TIMM10: variants seen among roughly 807,000 people sequenced by gnomAD.
TIMM10 encodes the protein mitochondrial import inner membrane translocase subunit Tim10.
TIMM10 carries 13 observed loss-of-function variants against 9.1 expected under a neutral mutation model. The ratio of observed to expected loss-of-function variants is 1.42; its 90% CI spans 0.93 to 2.26. The LOEUF is 2.26. TIMM10 is among the 30% of genes most tolerant of loss of function. TIMM10 has a pLI of 0.00. For missense variants in TIMM10, 82 were observed against 113.6 expected, an observed-to-expected ratio of 0.72 and a Z score of 1.26; for synonymous variants, 40 against 42.1, an observed-to-expected ratio of 0.95 and a Z score of 0.20.
At chr11:57,529,920 C>T (rs1944782364) in intron 2 of TIMM10, among the ~76,000 whole-genome samples, 199 bp downstream of exon 2, 1 of 152,194 alleles carries the variant, frequency 6.6e-6, no homozygotes, top group Admixed American at 6.5e-5. Context: ...AGTTCCATCC[C>T]CATCTAAATG....
At chr11:57,530,018 C>A in intron 2 of TIMM10, 101 bp downstream of exon 2, 1 of 1,346,196 alleles carries the variant, frequency 7.4e-7, no homozygotes, top group Non-Finnish European at 1.1e-6. Flanking sequence ...GGGCCTCAGG[C>A]TCCCCTACAT....
chr11:57,528,818 A>T lies in TIMM10; in HGVS notation c.172T>A (p.Tyr58Asn). 6.2e-7 allele frequency: 1 copy of T among 1,614,076 alleles called. No homozygotes were observed. The change falls in exon 3 of 3, where the codon TAC becomes AAC. Residue 58 changes from tyrosine to asparagine, a missense_variant. Coordinates refer to ENST00000257245, the MANE Select transcript of TIMM10 (RefSeq NM_012456.3). ...CCCATCCGCTCATGGATGTCCAGGT[A>T]CTTAGAGACACATCGGTCCAGGCAC... ...SVCLDRCVSK[Y>N]LDIHERMGKK...
chr11:57,530,097 G>A (rs1000956953), intron 2 of TIMM10, 22 bp downstream of exon 2: 5 of 1,613,176 alleles, frequency 3.1e-6, no homozygotes, highest in Non-Finnish European at 4.2e-6. Flanking sequence ...TCCAAGACAG[G>A]GTAGCACATA....
chr11:57,530,150 C>G lies in TIMM10; in HGVS notation c.40G>C (p.Glu14Gln). The change falls in exon 2 of 3, where the codon GAG (glutamate) becomes CAG (glutamine). Residue 14 changes from glutamate to glutamine, a missense_variant. Physicochemically the swap from Glu to Gln is conservative, Grantham distance 29 (BLOSUM62 2). Transcript: ENST00000257245. ...TACATATCGGCCATCATCTCCACCTCCAGCTCCGCAGCCAGCTGTTGGGCC... is the reference window on the plus strand; with the variant it reads ...TACATATCGGCCATCATCTCCACCTGCAGCTCCGCAGCCAGCTGTTGGGCC... Reference protein sequence around the residue: ...LRAQQLAAELEVEMMADMYNR... With the variant: ...LRAQQLAAELQVEMMADMYNR... 6.2e-7 allele frequency: 1 copy of G among 1,614,196 alleles called. No homozygotes were observed. The highest frequency in any genetic ancestry group is 8.5e-7 in the Non-Finnish European group (1 of 1,180,030).
At position 57,528,916 on chromosome 11, in the gene TIMM10, A is replaced by C; in HGVS notation, c.74T>G (p.Met25Arg). The change falls in exon 3 of 3, where the codon ATG becomes AGG. Residue 25 changes from methionine (M) to arginine (R), a missense_variant and splice_region_variant. By Grantham distance (91) the Met-to-Arg change is moderately conservative. Coordinates refer to ENST00000257245, the MANE Select transcript of TIMM10 (RefSeq NM_012456.3). ...VEMMADMYNR[M>R]TSACHRKCVP... ...ACACTTCCGGTGGCAGGCACTGGTC[A>C]TTCTGGAGGGAGGGAGGGGCAAGGT... 1 of 1,612,906 alleles carries C rather than the reference A, an allele frequency of 6.2e-7. No homozygotes were observed. The highest frequency in any genetic ancestry group is 1.3e-5 in the African/African-American group (1 of 74,994).
In TIMM10 at chr11:57,530,108, G is replaced by A. The variant is rs375982922; in HGVS notation, c.71+11C>T. 4 of 1,613,814 alleles carry A rather than the reference G, an allele frequency of 2.5e-6. No individual in the cohort carries two copies. The African/African-American group carries it at 5.3e-5, about 22-fold the overall frequency. On this transcript the variant is annotated intron_variant, in intron 2 of 2. Transcript: ENST00000257245. Reference sequence around the variant, plus strand: ...ATTTTCCAAGACAGGGTAGCACATAGTTCTCTTTACCTGTTGTACATATCG... The same window carrying A: ...ATTTTCCAAGACAGGGTAGCACATAATTCTCTTTACCTGTTGTACATATCG...
chr11:57,528,881 G>A lies in TIMM10; in HGVS notation c.109C>T (p.His37Tyr). 5 of 1,613,694 alleles carry A rather than the reference G, an allele frequency of 3.1e-6. No individual in the cohort carries two copies. The highest frequency in any genetic ancestry group is 4.2e-6 in the Non-Finnish European group (5 of 1,180,022). The change falls in exon 3 of 3, where the codon CAC (histidine) becomes TAC (tyrosine). Residue 37 changes from histidine (H) to tyrosine (Y), a missense_variant. Transcript: ENST00000257245. ...TTGGAGAGCTCTGCTTCCTTGTAGT[G>A]AGGAGGCACACACTTCCGGTGGCAG... ...SACHRKCVPP[H>Y]YKEAELSKGE... is the part of the protein sequence containing the mutation.
chr11:57,528,547 GTGTGACAAAT>G lies in TIMM10; in HGVS notation c.*160_*169del, dbSNP rs1417160413. The G allele has an allele frequency of 2.5e-4, 144 of 570,150 alleles. No individual in the cohort carries two copies. The African/African-American group carries it at 2.6e-3, about 10-fold the overall frequency. The allele number at this position is 570,150 out of a possible 1,614,324, so 35.3% of individuals were successfully genotyped here. A position where few individuals can be genotyped will look rare whatever the true frequency, so the allele number is the denominator to read the frequency against. ...TACATACACACACAGTCACATTCCA[GTGTGACAAAT>G]ACTCCTTCACCAGGAGACAGCGCTA... On this transcript the variant is annotated 3_prime_UTR_variant, in exon 3 of 3. Coordinates refer to ENST00000257245, the MANE Select transcript of TIMM10 (RefSeq NM_012456.3).
chr11:57,530,093 A>G, intron 2 of TIMM10, 26 bp downstream of exon 2: 3 of 1,612,850 alleles, frequency 1.9e-6, no homozygotes, highest in Middle Eastern at 1.7e-4. Flanking sequence ...ATTTTCCAAG[A>G]CAGGGTAGCA....
At chr11:57,529,794 A>G (rs942882722) in intron 2 of TIMM10, among the ~76,000 whole-genome samples, 1 of 152,230 alleles carries the variant, frequency 6.6e-6, no homozygotes, top group African/African-American at 2.4e-5. Context: ...TTAAAATGTT[A>G]ACTACTAAAT....
chr11:57,530,003 A>C, intron 2 of TIMM10, 116 bp downstream of exon 2: 1 of 1,124,310 alleles, frequency 8.9e-7, no homozygotes, highest in Admixed American at 1.9e-5. Flanking sequence ...GGGGAGGGTA[A>C]GCATGGGCCT....
In TIMM10 at chr11:57,530,205, T is replaced by C. The variant is rs773457819; in HGVS notation, c.-16A>G. On this transcript the variant is annotated 5_prime_UTR_variant, in exon 2 of 3. Coordinates refer to ENST00000257245, the MANE Select transcript of TIMM10 (RefSeq NM_012456.3). Reference sequence around the variant, plus strand: ...GAGGATCCATCTCAGCCTAGCACCGTGGAAGGGATCTCCTTCTGGCCTCCT... The same window carrying C: ...GAGGATCCATCTCAGCCTAGCACCGCGGAAGGGATCTCCTTCTGGCCTCCT... 6.2e-7 allele frequency: 1 copy of C among 1,613,800 alleles called. No individual in the cohort carries two copies. The highest frequency in any genetic ancestry group is 1.1e-5 in the South Asian group (1 of 91,056).
In TIMM10 at chr11:57,528,512, TATATAC is replaced by T. The variant is rs1387622979; in HGVS notation, c.*199_*204del. 4 of 255,558 alleles carry T rather than the reference TATATAC, an allele frequency of 1.6e-5. No homozygotes were observed. The highest frequency in any genetic ancestry group is 6.7e-5 in the African/African-American group (2 of 29,996). The allele number at this position is 255,558 out of a possible 1,614,324, so 15.8% of individuals were successfully genotyped here. ...ATATATATATATATATATATATATA[TATATAC>T]ACATACATACACACACAGTCACATT... On this transcript the variant is annotated 3_prime_UTR_variant, in exon 3 of 3. Coordinates refer to ENST00000257245, the MANE Select transcript of TIMM10 (RefSeq NM_012456.3).
In TIMM10 at chr11:57,530,108, G is replaced by C. The variant is rs375982922; in HGVS notation, c.71+11C>G. On this transcript the variant is annotated intron_variant, in intron 2 of 2. Transcript: ENST00000257245. ...ATTTTCCAAGACAGGGTAGCACATA[G>C]TTCTCTTTACCTGTTGTACATATCG... 3 of 1,613,814 alleles carry C rather than the reference G, an allele frequency of 1.9e-6. No homozygotes were observed. The African/African-American group carries it at 4.0e-5, about 22-fold the overall frequency.
At position 57,530,148 on chromosome 11, in the gene TIMM10, C is replaced by T. The variant is rs1944784881; in HGVS notation, c.42G>A (p.Glu14=). The change falls in exon 2 of 3, where the codon GAG becomes GAA. Residue 14 remains glutamate (E), a synonymous_variant. Coordinates refer to ENST00000257245, the MANE Select transcript of TIMM10 (RefSeq NM_012456.3). ...TGTACATATCGGCCATCATCTCCACCTCCAGCTCCGCAGCCAGCTGTTGGG... is the reference window on the plus strand; with the variant it reads ...TGTACATATCGGCCATCATCTCCACTTCCAGCTCCGCAGCCAGCTGTTGGG... ...LRAQQLAAEL[E]VEMMADMYNR... 3.7e-6 allele frequency: 6 copies of T among 1,614,196 alleles called. No homozygotes were observed. The highest frequency in any genetic ancestry group is 5.1e-6 in the Non-Finnish European group (6 of 1,180,016).
At position 57,530,212 on chromosome 11, in the gene TIMM10, G is replaced by A; in HGVS notation, c.-23C>T. 6.2e-7 allele frequency: 1 copy of A among 1,613,248 alleles called. No individual in the cohort carries two copies. Among genetic ancestry groups the A allele is most frequent in the Non-Finnish European group, 8.5e-7 (1 of 1,179,440 alleles). On this transcript the variant is annotated 5_prime_UTR_variant, in exon 2 of 3. Coordinates refer to ENST00000257245, the MANE Select transcript of TIMM10 (RefSeq NM_012456.3). ...CATCTCAGCCTAGCACCGTGGAAGG[G>A]ATCTCCTTCTGGCCTCCTAATCCTG...
At chr11:57,529,182 C>T (rs912267448) in intron 2 of TIMM10, among the ~76,000 whole-genome samples, 1 of 152,202 alleles carries the variant, frequency 6.6e-6, no homozygotes, top group Non-Finnish European at 1.5e-5. Flanking sequence ...TTCTGTTATG[C>T]AATGCTTACA....
chr11:57,528,997 T>C, intron 2 of TIMM10, 79 bp from the exon 3 acceptor site: 3 of 1,458,108 alleles, frequency 2.1e-6, no homozygotes, highest in Non-Finnish European at 9.5e-7. Context: ...AGCCCTGCTA[T>C]ATTGATTTCA....
In TIMM10 at chr11:57,528,494, TATATATA is replaced by T. The variant is rs1944770003; in HGVS notation, c.*216_*222del. 1 of 123,400 alleles carries T rather than the reference TATATATA, an allele frequency of 8.1e-6. No individual in the cohort carries two copies. The highest frequency in any genetic ancestry group is 1.8e-5 in the Non-Finnish European group (1 of 57,046). 7.6% of individuals were successfully genotyped at this position (123,400 alleles called of 1,614,324 possible). A position where few individuals can be genotyped will look rare whatever the true frequency, so the allele number is the denominator to read the frequency against. On this transcript the variant is annotated 3_prime_UTR_variant, in exon 3 of 3. Transcript: ENST00000257245. ...GTCAACAAACTTGTTTATATATATA[TATATATA>T]TATATATATATATATACACATACAT...
Sources: gnomAD v4.1 joint callset for allele counts (sites outside exome capture counted in the v4.1 genomes callset) on GRCh38, gnomAD v4.1.1 for gene constraint, MANE v1.5 for transcripts, NCBI Gene and HGNC (gene_info 2026-07-23, HGNC 2026-07-21) for gene names.